Variants in SOX5 observed in about 807,000 individuals in gnomAD.
The protein encoded by SOX5 is SRY-box transcription factor 5.
A neutral mutation model predicts 92.0 loss-of-function variants in SOX5; 9 were observed. The ratio of observed to expected loss-of-function variants is 0.10; its 90% CI spans 0.06 to 0.17. The LOEUF (loss-of-function observed/expected upper bound fraction) is 0.17, where lower values mean the gene tolerates loss of function less well. Among genes scored for constraint, SOX5 ranks in the 10% least tolerant of loss-of-function variants. The pLI is 1.00. For synonymous variants in SOX5, 344 were observed against 336.3 expected, an observed-to-expected ratio of 1.02 and a Z score of -0.25; for missense variants, 642 against 944.5, an observed-to-expected ratio of 0.68 and a Z score of 4.20.
intron 1 of SOX5, among the ~76,000 whole-genome samples, chr12:24,385,948 G>A (rs12299731): frequency 0.37 from 43,863 of 117,022 alleles, 9,183 homozygotes; most frequent in South Asian, 0.5. Context: ...AAAAAAAAGA[G>A]AGAGAGATTT....
chr12:23,882,055 C>A (rs2096998047), intron 2 of SOX5, among the ~76,000 whole-genome samples: 1 of 152,142 alleles, frequency 6.6e-6, no homozygotes, highest in African/African-American at 2.4e-5. Flanking sequence ...TATGTTTAAT[C>A]ATCAAGAATT....
chr12:24,264,074 C>CT (rs1942659016), intron 3 of SOX5, among the ~76,000 whole-genome samples: 2 of 151,976 alleles, frequency 1.3e-5, no homozygotes, highest in East Asian at 3.8e-4. Flanking sequence ...TGACTTTTTT[C>CT]TTTTTACTTT....
chr12:24,312,832 C>A (rs1346793300), intron 2 of SOX5, among the ~76,000 whole-genome samples: 1 of 152,192 alleles, frequency 6.6e-6, no homozygotes, highest in Non-Finnish European at 1.5e-5. Context: ...TAAAGACCTG[C>A]AACCTTCTTA....
At chr12:23,986,322 A>G (rs1445882024) in intron 4 of SOX5, among the ~76,000 whole-genome samples, 1 of 152,170 alleles carries the variant, frequency 6.6e-6, no homozygotes, top group Non-Finnish European at 1.5e-5. Flanking sequence ...ACAAAATCCC[A>G]GGCCTCATGA....
At chr12:23,752,525 A>G (rs2094212075) in intron 4 of SOX5, among the ~76,000 whole-genome samples, 1 of 151,884 alleles carries the variant, frequency 6.6e-6, no homozygotes, top group East Asian at 1.9e-4. Context: ...CCCAGATACT[A>G]TCCTCAGGTG....
chr12:23,633,224 T>C lies in SOX5; in HGVS notation c.1017+7588A>G, dbSNP rs187384783. On this transcript the variant is annotated intron_variant, in intron 8 of 14. Coordinates refer to ENST00000451604, the MANE Select transcript of SOX5 (RefSeq NM_006940.6). ...CTTCCAATTTCAAATCTTAGAAGTG[T>C]AGCAAAAAACAGAAACAGTACATTA... Among the ~76,000 whole-genome samples, 230 of 152,144 alleles carry C rather than the reference T, an allele frequency of 1.5e-3. 1 individual carries two copies. Among genetic ancestry groups the C allele is most frequent in the African/African-American group, 5.4e-3 (224 of 41,542 alleles).
intron 4 of SOX5, among the ~76,000 whole-genome samples, chr12:24,044,099 G>A (rs1274683708): frequency 6.6e-6 from 1 of 151,924 alleles, no homozygotes; most frequent in South Asian, 2.1e-4. Flanking sequence ...TTTGCCTTGG[G>A]GCATCCACAA....
chr12:24,272,259 T>G (rs1191847658), intron 3 of SOX5, among the ~76,000 whole-genome samples: 1 of 152,192 alleles, frequency 6.6e-6, no homozygotes, highest in Non-Finnish European at 1.5e-5. Context: ...AAACTGTACA[T>G]TATACTATAT....
chr12:24,248,130 G>C (rs766072900), intron 3 of SOX5, among the ~76,000 whole-genome samples: 5 of 152,314 alleles, frequency 3.3e-5, no homozygotes, highest in Non-Finnish European at 5.9e-5. Context: ...TCTGGATTGA[G>C]TCTCTCTATT....
At chr12:23,650,008 G>T (rs150980208) in intron 7 of SOX5, among the ~76,000 whole-genome samples, 1 of 151,960 alleles carries the variant, frequency 6.6e-6, no homozygotes, top group African/African-American at 2.4e-5. Context: ...GGCCTTACAT[G>T]TTTTTTTGTT....
chr12:24,355,660 T>G (rs900323531), intron 2 of SOX5, among the ~76,000 whole-genome samples: 2 of 152,194 alleles, frequency 1.3e-5, no homozygotes, highest in African/African-American at 4.8e-5. Flanking sequence ...TTTTCCTAAT[T>G]AAATGTTTTC....
At chr12:24,099,729 T>A (rs976009466) in intron 4 of SOX5, among the ~76,000 whole-genome samples, 2 of 152,158 alleles carry the variant, frequency 1.3e-5, no homozygotes, top group Non-Finnish European at 2.9e-5. Context: ...ATTGGTTTCT[T>A]GAAGATGTAT....
chr12:24,333,117 C>T (rs1271859065), intron 2 of SOX5, among the ~76,000 whole-genome samples: 1 of 151,916 alleles, frequency 6.6e-6, no homozygotes, highest in East Asian at 1.9e-4. Flanking sequence ...CACTTTGCAG[C>T]CAAATTTTTC....
intron 4 of SOX5, among the ~76,000 whole-genome samples, chr12:24,168,406 A>T (rs1457300671): frequency 5.3e-5 from 8 of 152,316 alleles, no homozygotes; most frequent in South Asian, 2.1e-4. Flanking sequence ...GTCTTATTTT[A>T]AAAAAATCGT....
At chr12:24,177,362 A>C (rs533188190) in intron 4 of SOX5, among the ~76,000 whole-genome samples, 1 of 152,218 alleles carries the variant, frequency 6.6e-6, no homozygotes, top group Non-Finnish European at 1.5e-5. Flanking sequence ...CTCATCTAGA[A>C]AGTACACTCA....
At chr12:23,722,665 C>T (rs2092884606) in intron 6 of SOX5, among the ~76,000 whole-genome samples, 1 of 152,158 alleles carries the variant, frequency 6.6e-6, no homozygotes, top group Non-Finnish European at 1.5e-5. Flanking sequence ...TACACATATA[C>T]CACAATTCTA....
intron 4 of SOX5, among the ~76,000 whole-genome samples, chr12:23,985,235 T>G (rs549256266): frequency 2.1e-4 from 29 of 136,500 alleles, no homozygotes; most frequent in African/African-American, 7.0e-4. Context: ...TTTTTTATTT[T>G]TTTGAATTTT....
intron 4 of SOX5, among the ~76,000 whole-genome samples, chr12:24,140,959 A>G (rs1046067878): frequency 6.6e-6 from 1 of 152,216 alleles, no homozygotes; most frequent in African/African-American, 2.4e-5. Flanking sequence ...CAAGTTACAC[A>G]TATTTTAAAA....
intron 1 of SOX5, among the ~76,000 whole-genome samples, chr12:24,435,753 C>T (rs1311818051): frequency 6.9e-6 from 1 of 145,524 alleles, no homozygotes; most frequent in African/African-American, 2.5e-5. Context: ...TTCACAGATA[C>T]TGTGGTTTGT....
Sources: gnomAD v4.1 joint callset for allele counts (sites outside exome capture counted in the v4.1 genomes callset) on GRCh38, gnomAD v4.1.1 for gene constraint, MANE v1.5 for transcripts, NCBI Gene and HGNC (gene_info 2026-07-23, HGNC 2026-07-21) for gene names.